DYM: variants seen among roughly 807,000 people sequenced by gnomAD.
DYM encodes dyggve-Melchior-Clausen syndrome protein.
Under a neutral mutation model 93.1 loss-of-function variants are expected in DYM, and 78 were observed. The observed-to-expected ratio is 0.84, with a 90% confidence interval of 0.70 to 1.01. The LOEUF (loss-of-function observed/expected upper bound fraction) is 1.01. Ranked by LOEUF, DYM falls within the 50% of genes least tolerant of loss-of-function variation. DYM has a pLI of 0.00. For synonymous variants in DYM, 321 were observed against 319.7 expected, an observed-to-expected ratio of 1.00 and a Z score of -0.04; for missense variants, 789 against 845.0, an observed-to-expected ratio of 0.93 and a Z score of 0.82.
intron 16 of DYM, among the ~76,000 whole-genome samples, chr18:49,107,679 G>A (rs556518955): frequency 1.1e-4 from 16 of 152,200 alleles, no homozygotes; most frequent in African/African-American, 7.2e-5. Flanking sequence ...CACTCCAGAC[G>A]CTGTTTGCCT....
intron 1 of DYM, among the ~76,000 whole-genome samples, chr18:49,433,437 G>A (rs2080519499): frequency 6.6e-6 from 1 of 152,138 alleles, no homozygotes; most frequent in Non-Finnish European, 1.5e-5. Context: ...CAAAAATTGT[G>A]AGTTAACTCT....
At chr18:49,258,070 TTTG>T (rs1342967988) in intron 12 of DYM, among the ~76,000 whole-genome samples, 4 of 152,224 alleles carry the variant, frequency 2.6e-5, no homozygotes, top group African/African-American at 9.6e-5. Context: ...CCTCTTGTAC[TTTG>T]TTATTTGCTG....
chr18:49,426,033 A>G (rs2074250032), intron 2 of DYM, among the ~76,000 whole-genome samples: 2 of 152,140 alleles, frequency 1.3e-5, no homozygotes, highest in Admixed American at 6.5e-5. Flanking sequence ...TGACCCAGAA[A>G]TCCCATTACT....
At chr18:49,305,157 C>T (rs1359602583) in intron 8 of DYM, among the ~76,000 whole-genome samples, 1 of 152,152 alleles carries the variant, frequency 6.6e-6, no homozygotes, top group Non-Finnish European at 1.5e-5. Flanking sequence ...AAGTTCAGTA[C>T]TGAAATCACT....
At chr18:49,242,992 A>G (rs984405381) in intron 13 of DYM, among the ~76,000 whole-genome samples, 1 of 151,978 alleles carries the variant, frequency 6.6e-6, no homozygotes, top group Non-Finnish European at 1.5e-5. Flanking sequence ...GAGCCACCGC[A>G]CCCGGCCTAT....
intron 8 of DYM, among the ~76,000 whole-genome samples, chr18:49,320,507 C>T (rs926113939): frequency 1.2e-4 from 19 of 152,242 alleles, no homozygotes; most frequent in South Asian, 2.1e-4. Flanking sequence ...CAGAGTCTCG[C>T]GCTGACACCC....
chr18:49,405,010 C>T (rs1250792941), intron 2 of DYM, among the ~76,000 whole-genome samples: 2 of 97,328 alleles, frequency 2.1e-5, no homozygotes, highest in Admixed American at 1.1e-4. Context: ...GAGACTCCAT[C>T]TCAAAAAAAA....
At chr18:49,132,146 GTTA>G (rs1204130041) in intron 15 of DYM, among the ~76,000 whole-genome samples, 7 of 152,096 alleles carry the variant, frequency 4.6e-5, no homozygotes, top group African/African-American at 1.7e-4. Context: ...GAAAGAAAAT[GTTA>G]TTATTTTTAG....
At chr18:49,211,437 A>G (rs961386176) in intron 13 of DYM, among the ~76,000 whole-genome samples, 10 of 152,228 alleles carry the variant, frequency 6.6e-5, no homozygotes, top group Non-Finnish European at 1.3e-4. Context: ...TGTCTTGGCT[A>G]TTATTAGTCC....
At chr18:49,459,925 G>T (rs958881050) in intron 1 of DYM, among the ~76,000 whole-genome samples, 2 of 145,164 alleles carry the variant, frequency 1.4e-5, no homozygotes, top group African/African-American at 5.1e-5. Flanking sequence ...GGGCGGGGGG[G>T]GCGGTGATTA....
chr18:49,266,819 A>AT (rs949266076), intron 11 of DYM, among the ~76,000 whole-genome samples: 7 of 152,262 alleles, frequency 4.6e-5, no homozygotes, highest in African/African-American at 1.7e-4. Flanking sequence ...TGTTAAATAC[A>AT]TTTTTTTCTT....
At chr18:49,121,461 A>C (rs955901411) in intron 15 of DYM, among the ~76,000 whole-genome samples, 3 of 152,232 alleles carry the variant, frequency 2.0e-5, no homozygotes, top group African/African-American at 7.2e-5. Flanking sequence ...AAAAGAGAGA[A>C]AGAATGGGAC....
chr18:49,158,699 G>A (rs970436860), intron 15 of DYM, among the ~76,000 whole-genome samples: 1 of 152,106 alleles, frequency 6.6e-6, no homozygotes, highest in Admixed American at 6.5e-5. Flanking sequence ...TGTGATGTTT[G>A]TTTGTTTGTG....
Position 49,042,808 on chromosome 18 carries a change from G to T in DYM, c.*1247C>A, listed in dbSNP as rs1431661975. ...ACTGGCCCTCAATGTGGCCCCAGTG[G>T]CTGTTTCCCTGCAAGAAGCTCCTTC... On this transcript the variant is annotated 3_prime_UTR_variant, in exon 18 of 18. Coordinates refer to ENST00000675505, the MANE Select transcript of DYM (RefSeq NM_001353214.3). 6.6e-6 allele frequency: 1 copy of T among 152,272 alleles called. No homozygotes were observed. The highest frequency in any genetic ancestry group is 2.4e-5 in the African/African-American group (1 of 41,464). The allele number at this position is 152,272 out of a possible 1,614,324, so 9.4% of individuals were successfully genotyped here.
At chr18:49,291,776 A>G (rs2078671956) in intron 8 of DYM, among the ~76,000 whole-genome samples, 1 of 152,224 alleles carries the variant, frequency 6.6e-6, no homozygotes, top group Non-Finnish European at 1.5e-5. Context: ...AGTTTATTCA[A>G]AACAATCCTC....
chr18:49,071,898 A>G (rs988768093), intron 17 of DYM, among the ~76,000 whole-genome samples: 1 of 152,204 alleles, frequency 6.6e-6, no homozygotes, highest in Non-Finnish European at 1.5e-5. Flanking sequence ...TTCTACTGCT[A>G]CTGCTATCAA....
intron 6 of DYM, among the ~76,000 whole-genome samples, chr18:49,355,714 CAACA>C (rs1381721264): frequency 6.6e-6 from 1 of 152,062 alleles, no homozygotes; most frequent in Non-Finnish European, 1.5e-5. Context: ...TTAATTCTCC[CAACA>C]AACAACTAAT....
Position 49,353,212 on chromosome 18 carries a change from AG to A in DYM, c.494+9948del, listed in dbSNP as rs371705478. On this transcript the variant is annotated intron_variant, in intron 6 of 17. Coordinates refer to ENST00000675505, the MANE Select transcript of DYM (RefSeq NM_001353214.3). ...TCCAATCATGTTACAAGATTTACCT[AG>A]ATGTCTTCTGATCTAGAAATTAGTA... Among the ~76,000 whole-genome samples, 18 of 152,270 alleles carry A rather than the reference AG, an allele frequency of 1.2e-4. No homozygotes were observed. In the South Asian group the frequency reaches 3.7e-3, roughly 32 times the overall value.
intron 11 of DYM, among the ~76,000 whole-genome samples, chr18:49,266,748 T>C (rs2094576179): frequency 6.6e-6 from 1 of 152,234 alleles, no homozygotes; most frequent in Non-Finnish European, 1.5e-5. Flanking sequence ...GGTATTCACA[T>C]CTTAGGTGGT....
Sources: allele counts gnomAD v4.1 joint callset (sites outside exome capture counted in the v4.1 genomes callset), GRCh38; gene constraint gnomAD v4.1.1; transcripts MANE v1.5; gene names NCBI Gene and HGNC (gene_info 2026-07-23, HGNC 2026-07-21).